The following RPS6KB1 variants were observed in gnomAD, a reference collection of about 807,000 sequenced individuals.
The protein encoded by RPS6KB1 is ribosomal protein S6 kinase beta-1.
Under a neutral mutation model 70.2 loss-of-function variants are expected in RPS6KB1, and 12 were observed. That is an observed-to-expected ratio of 0.17 (90% CI 0.11 to 0.28). RPS6KB1 has a LOEUF of 0.28. RPS6KB1 is among the 10% of genes least tolerant of loss of function. RPS6KB1 has a pLI of 1.00. For synonymous variants in RPS6KB1, 175 were observed against 211.2 expected, an observed-to-expected ratio of 0.83 and a Z score of 1.49; for missense variants, 270 against 646.6, an observed-to-expected ratio of 0.42 and a Z score of 6.32.
At chr17:59,944,054 A>G (rs2044778798) in intron 13 of RPS6KB1, among the ~76,000 whole-genome samples, 1 of 150,644 alleles carries the variant, frequency 6.6e-6, no homozygotes, top group Admixed American at 6.6e-5. Context: ...AAATTCAAAG[A>G]TGATTAAGGC....
At chr17:59,942,603 C>T (rs1326696290) in intron 13 of RPS6KB1, among the ~76,000 whole-genome samples, 1 of 151,880 alleles carries the variant, frequency 6.6e-6, no homozygotes, top group Non-Finnish European at 1.5e-5. Flanking sequence ...TGTTTTTTCC[C>T]TGTTTTTGAG....
intron 4 of RPS6KB1, among the ~76,000 whole-genome samples, chr17:59,922,638 G>A (rs1328737270): frequency 2.9e-5 from 4 of 136,208 alleles, no homozygotes; most frequent in Non-Finnish European, 4.6e-5. Context: ...TCTGCCTCCC[G>A]GGTTCAAACT....
Position 59,893,977 on chromosome 17 carries a change from T to TA in RPS6KB1, c.141+654dup. The TA allele has an allele frequency of 1.0e-6, 1 of 967,648 alleles. No individual in the cohort carries two copies. The allele number at this position is 967,648 out of a possible 1,614,324, so 59.9% of individuals were successfully genotyped here. ...CCCCCTTCCGTGTGACTTTTTAAAA[T>TA]AAGCATTTATAAGGACACACGGCAC... On this transcript the variant is annotated intron_variant, in intron 1 of 14. Transcript: ENST00000225577. This position sits in a 1 kb window ranked among gnomAD's most constrained non-coding sequence, Gnocchi z 4.1.
At chr17:59,917,402 T>C (rs1243384617) in intron 4 of RPS6KB1, among the ~76,000 whole-genome samples, 1 of 152,040 alleles carries the variant, frequency 6.6e-6, no homozygotes, top group Non-Finnish European at 1.5e-5. Flanking sequence ...ATTACAGGTA[T>C]GGCCCACTGC....
At chr17:59,939,724 G>C (rs1447723294) in intron 12 of RPS6KB1, among the ~76,000 whole-genome samples, 2 of 152,180 alleles carry the variant, frequency 1.3e-5, no homozygotes, top group East Asian at 3.8e-4. Context: ...AAGGAAACTG[G>C]TGTTCTATGC....
chr17:59,940,516 G>A (rs2044516052), intron 12 of RPS6KB1, among the ~76,000 whole-genome samples: 2 of 151,900 alleles, frequency 1.3e-5, no homozygotes, highest in African/African-American at 4.8e-5. Flanking sequence ...TCAAACTCCT[G>A]ACCTCATGAT....
chr17:59,919,829 A>AT (rs1358339072), intron 4 of RPS6KB1, among the ~76,000 whole-genome samples: 1 of 151,450 alleles, frequency 6.6e-6, no homozygotes, highest in Non-Finnish European at 1.5e-5. Context: ...AGTTCCTTTA[A>AT]TTTTTTCCCT....
chr17:59,910,016 AAT>A (rs555371435), intron 1 of RPS6KB1, among the ~76,000 whole-genome samples: 1 of 150,448 alleles, frequency 6.6e-6, no homozygotes, highest in Non-Finnish European at 1.5e-5. Flanking sequence ...CATCTCAAAA[AAT>A]ATATATATAT....
intron 6 of RPS6KB1, 127 bp downstream of exon 6, chr17:59,930,301 G>A: frequency 1.4e-6 from 1 of 730,156 alleles, no homozygotes. Flanking sequence ...CCTCAAGGGG[G>A]AGAAGCAGTT....
At position 59,893,459 on chromosome 17, in the gene RPS6KB1, C is replaced by T. The variant is rs2041258626; in HGVS notation, c.141+134C>T. On this transcript the variant is annotated intron_variant, in intron 1 of 14. Coordinates refer to ENST00000225577, the MANE Select transcript of RPS6KB1 (RefSeq NM_003161.4). The surrounding 1 kb of genome is among the most constrained non-coding windows in gnomAD (Gnocchi z 4.1). ...GAGCTGAGGGTCGCGCGGCCTGAGA[C>T]AGGGGAGCGGGCGGGGCGGTCATGG... 9.5e-6 allele frequency: 9 copies of T among 942,660 alleles called. No homozygotes were observed. In the South Asian group the frequency reaches 1.2e-4, roughly 12 times the overall value. The allele number at this position is 942,660 out of a possible 1,614,324, so 58.4% of individuals were successfully genotyped here.
At chr17:59,929,343 T>C (rs180526) in intron 5 of RPS6KB1, among the ~76,000 whole-genome samples, 151,725 of 152,326 alleles carry the variant, frequency 1, 75,565 homozygotes, top group East Asian at 1. Context: ...AGGTGATCTG[T>C]CCGCCTCGGC....
chr17:59,912,385 A>G (rs2042698749), intron 2 of RPS6KB1: 1 of 265,920 alleles, frequency 3.8e-6, no homozygotes, highest in South Asian at 4.6e-5. Flanking sequence ...ACTTGAATGG[A>G]TTATCCAAGG....
chr17:59,923,536 A>G (rs941059003), intron 4 of RPS6KB1, among the ~76,000 whole-genome samples: 10 of 151,644 alleles, frequency 6.6e-5, no homozygotes, highest in Non-Finnish European at 1.5e-4. Context: ...TTTGAGATGG[A>G]GTCTCGCTTT....
intron 7 of RPS6KB1, among the ~76,000 whole-genome samples, chr17:59,932,907 G>C (rs936387416): frequency 2.0e-5 from 3 of 152,232 alleles, no homozygotes; most frequent in Admixed American, 1.3e-4. Context: ...AAACATCAGA[G>C]AGACTGATAA....
intron 13 of RPS6KB1, among the ~76,000 whole-genome samples, chr17:59,942,632 A>G (rs189499793): frequency 1.5e-3 from 228 of 152,198 alleles, no homozygotes; most frequent in African/African-American, 5.4e-3. Flanking sequence ...ATTTGTCACT[A>G]ACTTAATTCT....
At chr17:59,913,166 A>G (rs2042747321) in intron 3 of RPS6KB1, among the ~76,000 whole-genome samples, 1 of 152,188 alleles carries the variant, frequency 6.6e-6, no homozygotes, top group Non-Finnish European at 1.5e-5. Flanking sequence ...CTGAGTTGTT[A>G]TCTGTTACTG....
At chr17:59,919,105 C>T (rs1000657588) in intron 4 of RPS6KB1, among the ~76,000 whole-genome samples, 2 of 152,120 alleles carry the variant, frequency 1.3e-5, no homozygotes, top group Non-Finnish European at 2.9e-5. Context: ...CCATCCACTG[C>T]GCCTGGCCTG....
rs2041232221 is a variant in RPS6KB1 at position 59,893,229 on chromosome 17, C to T, written c.45C>T (p.Asp15=). 1.2e-6 allele frequency: 2 copies of T among 1,612,034 alleles called. No individual in the cohort carries two copies. Among genetic ancestry groups the T allele is most frequent in the Admixed American group, 3.4e-5 (2 of 59,574 alleles). The part of the protein sequence containing the change: ...RRRDGFYPAP[D]FRDREAEDMA... The stretch of plus-strand genomic sequence containing the variant: ...GGGACGGCTTTTACCCAGCCCCGGA[C>T]TTCCGAGACAGGGAAGCTGAGGACA... Residue 15 remains aspartate (D), a synonymous_variant, in exon 1 of 15, where the codon GAC becomes GAT. Coordinates refer to ENST00000225577, the MANE Select transcript of RPS6KB1 (RefSeq NM_003161.4). This position sits in a 1 kb window ranked among gnomAD's most constrained non-coding sequence, Gnocchi z 4.1.
intron 1 of RPS6KB1, among the ~76,000 whole-genome samples, chr17:59,895,909 A>G (rs1459717548): frequency 6.6e-6 from 1 of 152,174 alleles, no homozygotes; most frequent in Non-Finnish European, 1.5e-5. Context: ...CTGGGATTAC[A>G]GGCGTGAGCC....
Sources: gnomAD v4.1 joint callset for allele counts (sites outside exome capture counted in the v4.1 genomes callset) on GRCh38, gnomAD v4.1.1 for gene constraint, Gnocchi (gnomAD v3.1) non-coding constraint, MANE v1.5 for transcripts, NCBI Gene and HGNC (gene_info 2026-07-23, HGNC 2026-07-21) for gene names.